Variants in TBC1D4 observed in about 807,000 individuals in gnomAD.
The protein encoded by TBC1D4 is TBC (Tre-2, BUB2, CDC16) domain-containing protein.
In TBC1D4, 121 loss-of-function variants were observed where a neutral mutation model predicts 142.5. The ratio of observed to expected loss-of-function variants is 0.85; its 90% confidence interval spans 0.73 to 0.99. The LOEUF (loss-of-function observed/expected upper bound fraction) is 0.99. TBC1D4 is among the 50% of genes least tolerant of loss of function. The pLI is 0.00. For synonymous variants in TBC1D4, 630 were observed against 628.2 expected (o/e 1.00, Z -0.04); for missense variants, 1,475 against 1,606.6 (o/e 0.92, Z 1.40).
intron 1 of TBC1D4, among the ~76,000 whole-genome samples, chr13:75,392,982 C>T (rs1382855650): frequency 6.6e-6 from 1 of 151,942 alleles, no homozygotes; most frequent in Non-Finnish European, 1.5e-5. Context: ...TTTGCTGAGC[C>T]CTTAATCCAT....
intron 4 of TBC1D4, among the ~76,000 whole-genome samples, chr13:75,353,035 A>G (rs932203290): frequency 6.6e-6 from 1 of 152,218 alleles, no homozygotes; most frequent in Non-Finnish European, 1.5e-5. Context: ...AAAATTAAAC[A>G]TGGTTTGAGA....
At chr13:75,351,253 C>T (rs1881561892) in intron 4 of TBC1D4, among the ~76,000 whole-genome samples, 1 of 152,096 alleles carries the variant, frequency 6.6e-6, no homozygotes, top group Non-Finnish European at 1.5e-5. Context: ...TATTTTATAG[C>T]ATTTGAGAAT....
At chr13:75,352,910 G>C (rs1459064520) in intron 4 of TBC1D4, among the ~76,000 whole-genome samples, 2 of 152,146 alleles carry the variant, frequency 1.3e-5, no homozygotes, top group South Asian at 4.2e-4. Context: ...GTTTTGTTTT[G>C]GTCTATGTAT....
Position 75,324,232 on chromosome 13 carries a change from C to A in TBC1D4, c.2198+5G>T, listed in dbSNP as rs1349420637. 2 of 1,613,600 alleles carry A rather than the reference C, an allele frequency of 1.2e-6. No individual in the cohort carries two copies. Among genetic ancestry groups the A allele is most frequent in the Admixed American group, 1.7e-5 (1 of 59,992 alleles). ...TGCTTTGCAAACAGAGGACACTGAT[C>A]TCACCTGATTTCATTTTCATACTGT... On this transcript the variant is annotated splice_donor_5th_base_variant and intron_variant, in intron 11 of 20. Transcript: ENST00000377636.
chr13:75,425,205 GACAT>G (rs1360972157), intron 1 of TBC1D4, among the ~76,000 whole-genome samples: 2 of 151,850 alleles, frequency 1.3e-5, no homozygotes, highest in African/African-American at 4.8e-5. Flanking sequence ...CTCAAGAGAA[GACAT>G]ACAAATGGTC....
chr13:75,441,514 GT>G (rs1297739757), intron 1 of TBC1D4, among the ~76,000 whole-genome samples: 7 of 151,976 alleles, frequency 4.6e-5, no homozygotes, highest in East Asian at 1.9e-4. Flanking sequence ...AATTCAAATA[GT>G]TTCCCCCCTT....
chr13:75,302,778 G>A (rs1403458886), intron 15 of TBC1D4: 2 of 268,838 alleles, frequency 7.4e-6, no homozygotes, highest in Non-Finnish European at 7.2e-6. Context: ...AGCTGAGGCA[G>A]AAAGAGATGA....
intron 1 of TBC1D4, among the ~76,000 whole-genome samples, chr13:75,459,595 T>G (rs1335294095): frequency 6.6e-6 from 1 of 152,172 alleles, no homozygotes; most frequent in African/African-American, 2.4e-5. Context: ...TAGCTCTCTA[T>G]TAAGGACCTA....
intron 1 of TBC1D4, among the ~76,000 whole-genome samples, chr13:75,420,889 C>G (rs963025414): frequency 6.6e-6 from 1 of 152,004 alleles, no homozygotes; most frequent in Non-Finnish European, 1.5e-5. Context: ...CTGAACGAGG[C>G]CTTCAGAAAA....
In TBC1D4 at chr13:75,481,428, G is replaced by T; in HGVS notation, c.340C>A (p.Pro114Thr). The T allele has an allele frequency of 6.2e-7, 1 of 1,613,856 alleles. No individual in the cohort carries two copies. Among genetic ancestry groups the T allele is most frequent in the Non-Finnish European group, 8.5e-7 (1 of 1,179,804 alleles). The change falls in exon 1 of 21, where the codon CCG becomes ACG. Residue 114 changes from proline to threonine, a missense_variant. By Grantham distance (38) the Pro-to-Thr change is conservative. Transcript: ENST00000377636. ...TTGTGCTCGAAGATGAATACCGCCG[G>T]GTTGGGCTGCGTGGCCGACGGACTA... ...GTSPSATQPN[P>T]AVFIFEHKAQ...
intron 1 of TBC1D4, among the ~76,000 whole-genome samples, chr13:75,363,122 G>A (rs1882672495): frequency 6.6e-6 from 1 of 152,108 alleles, no homozygotes; most frequent in Non-Finnish European, 1.5e-5. Context: ...CTGCCAGCAA[G>A]GACATGGGAG....
intron 1 of TBC1D4, among the ~76,000 whole-genome samples, chr13:75,464,953 A>T (rs1457580441): frequency 6.6e-6 from 1 of 152,162 alleles, no homozygotes; most frequent in Non-Finnish European, 1.5e-5. Flanking sequence ...TTTCCTTCAT[A>T]GCCTTCATCA....
chr13:75,365,362 A>C (rs1404422085), intron 1 of TBC1D4, among the ~76,000 whole-genome samples: 1 of 150,660 alleles, frequency 6.6e-6, no homozygotes, highest in Non-Finnish European at 1.5e-5. Context: ...TCCTCATGTG[A>C]AACACAGAGT....
chr13:75,425,953 G>T (rs1327471462), intron 1 of TBC1D4, among the ~76,000 whole-genome samples: 1 of 152,124 alleles, frequency 6.6e-6, no homozygotes, highest in African/African-American at 2.4e-5. Flanking sequence ...TGAGAGAGTA[G>T]ATTTTAAAGG....
intron 12 of TBC1D4, among the ~76,000 whole-genome samples, chr13:75,317,705 A>G (rs931465315): frequency 3.9e-5 from 6 of 152,202 alleles, no homozygotes; most frequent in African/African-American, 1.4e-4. Flanking sequence ...CATTACCTCT[A>G]TCAGAAATTG....
chr13:75,432,499 G>T (rs4479116), intron 1 of TBC1D4, among the ~76,000 whole-genome samples: 151,610 of 152,258 alleles, frequency 1, 75,485 homozygotes, highest in Middle Eastern at 1. Context: ...CTGGGGACTA[G>T]GAAGAGGGCA....
At chr13:75,470,270 A>C (rs756746287) in intron 1 of TBC1D4, among the ~76,000 whole-genome samples, 1 of 152,202 alleles carries the variant, frequency 6.6e-6, no homozygotes, top group Non-Finnish European at 1.5e-5. Flanking sequence ...AACATAAACA[A>C]TATATGAACA....
chr13:75,289,034 T>C lies in TBC1D4; in HGVS notation c.3563A>G (p.Glu1188Gly), dbSNP rs1335941124. The C allele has an allele frequency of 3.1e-6, 5 of 1,613,972 alleles. No homozygotes were observed. In the Middle Eastern group the frequency reaches 4.9e-4, roughly 160 times the overall value. ...EYHVLQDELQ[E>G]SSYSCEDSET... ...ACTATCCTCACAGGAATATGAAGAT[T>C]CCTGAAGCTCATCCTGTAGCACATG... The change falls in exon 20 of 21, where the codon GAA becomes GGA. Residue 1188 changes from glutamate (E) to glycine (G), a missense_variant. Around this residue, in one of 2 missense-constraint regions of TBC1D4, gnomAD observed 248 missense variants for 338.9 expected, o/e 0.73. Transcript: ENST00000377636.
chr13:75,383,769 G>C (rs552017520), intron 1 of TBC1D4, among the ~76,000 whole-genome samples: 1 of 152,250 alleles, frequency 6.6e-6, no homozygotes, highest in African/African-American at 2.4e-5. Context: ...CATCCATGAG[G>C]GGTCTTGGAA....
Sources: allele counts gnomAD v4.1 joint callset (sites outside exome capture counted in the v4.1 genomes callset), GRCh38; gene constraint gnomAD v4.1.1; regional missense constraint gnomAD v4.1.1; transcripts MANE v1.5; gene names NCBI Gene and HGNC (gene_info 2026-07-23, HGNC 2026-07-21).